Variants in TMED5 observed in about 807,000 individuals in gnomAD.
TMED5 encodes transmembrane p24 trafficking protein 5.
A neutral mutation model predicts 23.0 loss-of-function variants in TMED5; 27 were observed. The ratio of observed to expected loss-of-function variants is 1.17; its 90% CI spans 0.86 to 1.62. The LOEUF (loss-of-function observed/expected upper bound fraction) is 1.62, where lower values mean the gene tolerates loss of function less well. TMED5 is among the 40% of genes most tolerant of loss of function. The probability of loss-of-function intolerance (pLI) is 0.00; values close to 1 mark genes in which losing one functional copy is unlikely to be tolerated. For missense variants in TMED5, 248 were observed against 273.7 expected, an observed-to-expected ratio of 0.91 and a Z score of 0.66; for synonymous variants, 97 against 100.8, an observed-to-expected ratio of 0.96 and a Z score of 0.23.
chr1:93,178,375 C>G (rs1224013368), intron 1 of TMED5, among the ~76,000 whole-genome samples: 1 of 152,172 alleles, frequency 6.6e-6, no homozygotes, highest in Non-Finnish European at 1.5e-5. Context: ...TTGTTCCTGG[C>G]ATTTTCGTCT....
At position 93,152,905 on chromosome 1, in the gene TMED5, T is replaced by C. The variant is rs1208248772; in HGVS notation, c.*1765A>G. 3 of 152,452 alleles carry C rather than the reference T, an allele frequency of 2.0e-5. No individual in the cohort carries two copies. Among genetic ancestry groups the C allele is most frequent in the Non-Finnish European group, 4.4e-5 (3 of 67,984 alleles). The allele number at this position is 152,452 out of a possible 1,614,324, so 9.4% of individuals were successfully genotyped here. ...GAAGCATTTTCTTGGCCAATTAAGG[T>C]AATTGATCATATACGGCATTTACCT... On this transcript the variant is annotated 3_prime_UTR_variant, in exon 4 of 4. Coordinates refer to ENST00000370282, the MANE Select transcript of TMED5 (RefSeq NM_016040.5).
At chr1:93,163,705 G>C (rs1317521839) in intron 1 of TMED5, among the ~76,000 whole-genome samples, 3 of 151,642 alleles carry the variant, frequency 2.0e-5, no homozygotes, top group Non-Finnish European at 4.4e-5. Context: ...GCCAGGCATG[G>C]TGGCTTACTC....
chr1:93,159,721 T>G (rs1162781056), intron 2 of TMED5, among the ~76,000 whole-genome samples: 1 of 152,150 alleles, frequency 6.6e-6, no homozygotes, highest in Non-Finnish European at 1.5e-5. Context: ...ACTGTCCTGT[T>G]TTAAGAAAGA....
At chr1:93,159,061 T>A (rs1648177332) in intron 2 of TMED5, among the ~76,000 whole-genome samples, 1 of 152,178 alleles carries the variant, frequency 6.6e-6, no homozygotes, top group Non-Finnish European at 1.5e-5. Flanking sequence ...TGTTGAGACA[T>A]TTTTTTCCTC....
rs1171721685 is a variant in TMED5, at chr1:93,152,136, C to G, written c.*2534G>C. ...ATAAAATTACAAACACCCTCCATGTCTTGACATTCACATGAAAGAACAGCA... is the reference window on the plus strand; with the variant it reads ...ATAAAATTACAAACACCCTCCATGTGTTGACATTCACATGAAAGAACAGCA... On this transcript the variant is annotated 3_prime_UTR_variant, in exon 4 of 4. Coordinates refer to ENST00000370282, the MANE Select transcript of TMED5 (RefSeq NM_016040.5). The G allele has an allele frequency of 6.6e-6, 1 of 152,596 alleles. No individual in the cohort carries two copies. The highest frequency in any genetic ancestry group is 2.4e-5 in the African/African-American group (1 of 41,450). 9.5% of individuals were successfully genotyped at this position (152,596 alleles called of 1,614,324 possible). A position where few individuals can be genotyped will look rare whatever the true frequency, so the allele number is the denominator to read the frequency against.
At chr1:93,162,835 T>G (rs1648333281) in intron 1 of TMED5, 1 of 152,080 alleles carries the variant, frequency 6.6e-6, no homozygotes, top group Non-Finnish European at 1.5e-5. Context: ...ACATATAACA[T>G]TAGATGGAAA....
In TMED5 at chr1:93,152,862, G is replaced by A. The variant is rs1166620170; in HGVS notation, c.*1808C>T. ...ACCTTTGTTCTGCAAGTGTTGCAGA[G>A]GATACCCCTAGACACCTGAAGCATT... On this transcript the variant is annotated 3_prime_UTR_variant, in exon 4 of 4. Coordinates refer to ENST00000370282, the MANE Select transcript of TMED5 (RefSeq NM_016040.5). 1 of 152,554 alleles carries A rather than the reference G, an allele frequency of 6.6e-6. No homozygotes were observed. The allele number at this position is 152,554 out of a possible 1,614,324, so 9.5% of individuals were successfully genotyped here. A position where few individuals can be genotyped will look rare whatever the true frequency, so the allele number is the denominator to read the frequency against.
intron 1 of TMED5, among the ~76,000 whole-genome samples, chr1:93,165,463 C>T (rs1648463657): frequency 6.6e-6 from 1 of 152,100 alleles, no homozygotes; most frequent in Admixed American, 6.5e-5. Flanking sequence ...CAGAGAGGAA[C>T]TGGGAATACT....
At chr1:93,160,289 C>T (rs529976846) in intron 1 of TMED5, 63 bp from the exon 2 acceptor site, 24 of 937,732 alleles carry the variant, frequency 2.6e-5, no homozygotes, top group Non-Finnish European at 3.9e-5. Context: ...AAATTATATA[C>T]AGTAGATCAT....
At position 93,153,625 on chromosome 1, in the gene TMED5, T is replaced by C. The variant is rs946331824; in HGVS notation, c.*1045A>G. The C allele has an allele frequency of 6.6e-6, 1 of 152,164 alleles. No homozygotes were observed. Among genetic ancestry groups the C allele is most frequent in the Non-Finnish European group, 1.5e-5 (1 of 67,988 alleles). The allele number at this position is 152,164 out of a possible 1,614,324, so 9.4% of individuals were successfully genotyped here. A position where few individuals can be genotyped will look rare whatever the true frequency, so the allele number is the denominator to read the frequency against. ...TTATTTATAGTTCTACTTAAGTGAA[T>C]TTTATTTTGGATTAGGTTTTCTCAA... On this transcript the variant is annotated 3_prime_UTR_variant, in exon 4 of 4. Transcript: ENST00000370282.
At chr1:93,175,316 T>TACAC (rs376330795) in intron 1 of TMED5, among the ~76,000 whole-genome samples, 12,489 of 128,948 alleles carry the variant, frequency 0.097, 622 homozygotes, top group Admixed American at 0.13. Context: ...TATATATATA[T>TACAC]ACACACACAC....
intron 2 of TMED5, among the ~76,000 whole-genome samples, chr1:93,159,542 G>T (rs1179054557): frequency 6.6e-6 from 1 of 152,130 alleles, no homozygotes; most frequent in Admixed American, 6.5e-5. Context: ...TGAGGTGTCA[G>T]AAGAAGAATA....
intron 1 of TMED5, among the ~76,000 whole-genome samples, chr1:93,170,956 G>C (rs1411852134): frequency 6.6e-6 from 1 of 152,164 alleles, no homozygotes; most frequent in East Asian, 1.9e-4. Context: ...AATGTGGGTG[G>C]GGCCAGATAA....
intron 2 of TMED5, among the ~76,000 whole-genome samples, chr1:93,157,433 G>T (rs148067577): frequency 6.6e-6 from 1 of 152,122 alleles, no homozygotes; most frequent in African/African-American, 2.4e-5. Flanking sequence ...CCATATTAGC[G>T]AAAGTTAAAA....
Position 93,151,946 on chromosome 1 carries a change from C to CTGAT in TMED5, c.*2720_*2723dup, listed in dbSNP as rs765290599. On this transcript the variant is annotated 3_prime_UTR_variant, in exon 4 of 4. Transcript: ENST00000370282. ...TAAGTATAAAGCAGTTTGAGCAACA[C>CTGAT]TGATTGTGCATTATTGTACTTCAGA... is the stretch of plus-strand genomic sequence containing the variant. 4 of 152,434 alleles carry CTGAT rather than the reference C, an allele frequency of 2.6e-5. No individual in the cohort carries two copies. Among genetic ancestry groups the CTGAT allele is most frequent in the African/African-American group, 9.7e-5 (4 of 41,440 alleles). The allele number at this position is 152,434 out of a possible 1,614,324, so 9.4% of individuals were successfully genotyped here.
At chr1:93,178,777 C>T (rs1033827084) in intron 1 of TMED5, among the ~76,000 whole-genome samples, 1 of 152,116 alleles carries the variant, frequency 6.6e-6, no homozygotes, top group African/African-American at 2.4e-5. Flanking sequence ...CCTAAAGTTC[C>T]ATCGTATAAA....
At chr1:93,156,606 T>C (rs1463573438) in intron 2 of TMED5, 123 bp from the exon 3 acceptor site, 3 of 717,374 alleles carry the variant, frequency 4.2e-6, no homozygotes, top group Non-Finnish European at 6.9e-6. Flanking sequence ...ATCCCAGCAT[T>C]TTGAGAGGGC....
chr1:93,156,452 A>C lies in TMED5; in HGVS notation c.319T>G (p.Cys107Gly). 1 of 1,613,938 alleles carries C rather than the reference A, an allele frequency of 6.2e-7. No homozygotes were observed. The highest frequency in any genetic ancestry group is 8.5e-7 in the Non-Finnish European group (1 of 1,179,912). The change falls in exon 3 of 4, where the codon TGC (cysteine) becomes GGC (glycine). Residue 107 changes from cysteine (C) to glycine (G), a missense_variant. By Grantham distance (159) the Cys-to-Gly change is radical (BLOSUM62 -3). Transcript: ENST00000370282. Reference protein sequence around the residue: ...VETEVGDYMFCFDNTFSTISE... With the variant: ...VETEVGDYMFGFDNTFSTISE... ...ATGGTGCTGAATGTATTGTCAAAGC[A>C]GAACATGTAATCACCAACTTCAGTC...
At position 93,150,000 on chromosome 1, in the gene TMED5, A is replaced by G. The variant is rs1006075645; in HGVS notation, c.*4670T>C. 2 of 152,174 alleles carry G rather than the reference A, an allele frequency of 1.3e-5. No individual in the cohort carries two copies. Among genetic ancestry groups the G allele is most frequent in the African/African-American group, 2.4e-5 (1 of 41,432 alleles). 9.4% of individuals were successfully genotyped at this position (152,174 alleles called of 1,614,324 possible). On this transcript the variant is annotated 3_prime_UTR_variant, in exon 4 of 4. Coordinates refer to ENST00000370282, the MANE Select transcript of TMED5 (RefSeq NM_016040.5). ...ATTAATTAGTCAGAAATATGTATATACCAACATACTAATATGTTTCAGCTA... is the reference window on the plus strand; with the variant it reads ...ATTAATTAGTCAGAAATATGTATATGCCAACATACTAATATGTTTCAGCTA...
Sources: allele counts gnomAD v4.1 joint callset (sites outside exome capture counted in the v4.1 genomes callset), GRCh38; gene constraint gnomAD v4.1.1; transcripts MANE v1.5; gene names NCBI Gene and HGNC (gene_info 2026-07-23, HGNC 2026-07-21).